The following RABEPK variants were observed in gnomAD, a reference collection of about 807,000 sequenced individuals.
The protein encoded by RABEPK is 40 kDa Rab9 effector protein.
Under a neutral mutation model 34.1 loss-of-function variants are expected in RABEPK, and 27 were observed. The ratio of observed to expected loss-of-function variants is 0.79; its 90% confidence interval spans 0.58 to 1.09. RABEPK has a LOEUF of 1.09. RABEPK is among the 50% of genes least tolerant of loss of function. The pLI is 0.00. For missense variants in RABEPK, 449 were observed against 462.6 expected (o/e 0.97, Z 0.27); for synonymous variants, 172 against 169.2 (o/e 1.02, Z -0.13).
At chr9:125,202,074 T>C (rs925737785) in intron 1 of RABEPK, among the ~76,000 whole-genome samples, 11 of 148,708 alleles carry the variant, frequency 7.4e-5, no homozygotes, top group African/African-American at 2.7e-4. Context: ...ATTAGCCAGG[T>C]GTGGTGGCAC....
At chr9:125,216,409 A>G (rs1467077549) in intron 4 of RABEPK, among the ~76,000 whole-genome samples, 2 of 151,954 alleles carry the variant, frequency 1.3e-5, no homozygotes, top group Non-Finnish European at 2.9e-5. Flanking sequence ...CCGATAAAAA[A>G]ATTAAAATTA....
chr9:125,212,510 C>T (rs889405571), intron 3 of RABEPK, among the ~76,000 whole-genome samples: 2 of 151,992 alleles, frequency 1.3e-5, no homozygotes, highest in Non-Finnish European at 2.9e-5. Flanking sequence ...TGAGCCACAG[C>T]GCCTGACCAA....
intron 2 of RABEPK, among the ~76,000 whole-genome samples, chr9:125,204,935 T>C (rs7856435): frequency 0.023 from 3,539 of 152,226 alleles, 145 homozygotes; most frequent in African/African-American, 0.082. Flanking sequence ...TCAAGTAACC[T>C]TCCCATCTCC....
At chr9:125,228,517 T>C (rs1283924712) in intron 6 of RABEPK, among the ~76,000 whole-genome samples, 1 of 148,276 alleles carries the variant, frequency 6.7e-6, no homozygotes, top group Non-Finnish European at 1.5e-5. Context: ...ATTAGCCTAT[T>C]GTCATGGCAC....
chr9:125,229,147 G>A (rs10123483), intron 6 of RABEPK, among the ~76,000 whole-genome samples: 1 of 151,972 alleles, frequency 6.6e-6, no homozygotes, highest in Non-Finnish European at 1.5e-5. Context: ...CCAGCTACTC[G>A]GGAGGCTGAG....
chr9:125,232,833 T>G, intron 7 of RABEPK, 88 bp downstream of exon 7: 3 of 1,371,046 alleles, frequency 2.2e-6, no homozygotes, highest in East Asian at 2.5e-5. Flanking sequence ...ATCCCAGCAC[T>G]TTGGGAGGCC....
At chr9:125,205,940 A>T (rs1830199170) in intron 2 of RABEPK, among the ~76,000 whole-genome samples, 1 of 116,396 alleles carries the variant, frequency 8.6e-6, no homozygotes, top group Admixed American at 8.0e-5. Flanking sequence ...AAGTGAGGAA[A>T]AGAGAATTGA....
In RABEPK at chr9:125,232,590, T is replaced by C; in HGVS notation, c.677-6T>C. The stretch of plus-strand genomic sequence containing the variant: ...CTGCGCCAAAGCTCTTTCTTTCTCT[T>C]GGCAGGTGACATGAAATGGCAGAAG... On this transcript the variant is annotated splice_region_variant and splice_polypyrimidine_tract_variant and intron_variant, in intron 6 of 7. Coordinates refer to ENST00000373538, the MANE Select transcript of RABEPK (RefSeq NM_005833.4). 3.1e-6 allele frequency: 5 copies of C among 1,610,564 alleles called. No homozygotes were observed. Among genetic ancestry groups the C allele is most frequent in the Non-Finnish European group, 4.2e-6 (5 of 1,178,130 alleles).
rs116718944 is a variant in RABEPK, at chr9:125,214,359, C to G, written c.364+837C>G. Among the ~76,000 whole-genome samples, 453 of 152,178 alleles carry G rather than the reference C, an allele frequency of 3.0e-3. 7 individuals are homozygous for G. Among genetic ancestry groups the G allele is most frequent in the African/African-American group, 0.011 (447 of 41,520 alleles). On this transcript the variant is annotated intron_variant, in intron 4 of 7. Transcript: ENST00000373538. Reference sequence around the variant, plus strand: ...CAGATATGCTGTATATATATCCTGTCGTGCCTAAGACAGCCATCACAGGGA... The same window carrying G: ...CAGATATGCTGTATATATATCCTGTGGTGCCTAAGACAGCCATCACAGGGA...
At chr9:125,231,664 C>T (rs1348413361) in intron 6 of RABEPK, among the ~76,000 whole-genome samples, 4 of 151,438 alleles carry the variant, frequency 2.6e-5, no homozygotes, top group Non-Finnish European at 5.9e-5. Flanking sequence ...TAGCCAGACC[C>T]GGTGGCAGGT....
chr9:125,214,210 C>G lies in RABEPK; in HGVS notation c.364+688C>G, dbSNP rs1198310420. ...GAGCCAGGCTTAGAACCCAAGTCAC[C>G]TAGATTAGTAGTCCTCCAGTAAAGG... On this transcript the variant is annotated intron_variant, in intron 4 of 7. Transcript: ENST00000373538. Among the ~76,000 whole-genome samples, 4 of 152,168 alleles carry G rather than the reference C, an allele frequency of 2.6e-5. No individual in the cohort carries two copies. In the East Asian group the frequency reaches 7.7e-4, roughly 29 times the overall value.
At chr9:125,212,107 G>A (rs958899457) in intron 3 of RABEPK, among the ~76,000 whole-genome samples, 1 of 152,186 alleles carries the variant, frequency 6.6e-6, no homozygotes, top group Non-Finnish European at 1.5e-5. Context: ...CTGGACCTCA[G>A]TGCTCTATAA....
At chr9:125,203,171 C>T (rs921248247) in intron 2 of RABEPK, 105 bp downstream of exon 2, 1 of 938,616 alleles carries the variant, frequency 1.1e-6, no homozygotes, top group African/African-American at 1.6e-5. Flanking sequence ...AGAGATGAAA[C>T]TGTCTGCAGT....
Position 125,233,811 on chromosome 9 carries a change from T to C in RABEPK, c.950T>C (p.Leu317Pro). 1 of 1,614,110 alleles carries C rather than the reference T, an allele frequency of 6.2e-7. No homozygotes were observed. Among genetic ancestry groups the C allele is most frequent in the Non-Finnish European group, 8.5e-7 (1 of 1,180,018 alleles). The change falls in exon 8 of 8, where the codon CTC becomes CCC. Residue 317 changes from leucine (L) to proline (P), a missense_variant. Leu to Pro is a moderately conservative substitution (Grantham distance 98). Coordinates refer to ENST00000373538, the MANE Select transcript of RABEPK (RefSeq NM_005833.4). ...CASEKEDSNS[L>P]TLNHEAEKED... ...TCTGAGAAAGAAGATTCCAACTCTC[T>C]CACTCTGAACCATGAAGCTGAGAAA...
intron 4 of RABEPK, 29 bp downstream of exon 4, chr9:125,213,551 G>T (rs62580619): frequency 6.3e-7 from 1 of 1,589,724 alleles, no homozygotes; most frequent in Non-Finnish European, 8.6e-7. Flanking sequence ...TTTTATTTAC[G>T]TACATACAAA....
At chr9:125,230,038 C>T (rs1832058880) in intron 6 of RABEPK, among the ~76,000 whole-genome samples, 1 of 152,164 alleles carries the variant, frequency 6.6e-6, no homozygotes, top group South Asian at 2.1e-4. Context: ...GATCTTAGCT[C>T]ATGGCAGCCT....
In RABEPK at chr9:125,228,032, T is replaced by G. The variant is rs760472434; in HGVS notation, c.649T>G (p.Tyr217Asp). 1.2e-6 allele frequency: 2 copies of G among 1,602,362 alleles called. No individual in the cohort carries two copies. Among genetic ancestry groups the G allele is most frequent in the Non-Finnish European group, 1.7e-6 (2 of 1,173,006 alleles). The change falls in exon 6 of 8, where the codon TAT becomes GAT. Residue 217 changes from tyrosine (Y) to aspartate (D), a missense_variant. Physicochemically the swap from Tyr to Asp is radical, Grantham distance 160. Coordinates refer to ENST00000373538, the MANE Select transcript of RABEPK (RefSeq NM_005833.4). ...CGGAGGCTTGGCGGGGGACAGATTCTATGATGACCTCCACTGCATTGATAT... is the reference window on the plus strand; with the variant it reads ...CGGAGGCTTGGCGGGGGACAGATTCGATGATGACCTCCACTGCATTGATAT... ...IHGGLAGDRFYDDLHCIDISD... is the reference protein window; with the variant it reads ...IHGGLAGDRFDDDLHCIDISD...
Position 125,228,210 on chromosome 9 carries a change from C to G in RABEPK, c.676+151C>G, listed in dbSNP as rs909152379. 3 of 592,554 alleles carry G rather than the reference C, an allele frequency of 5.1e-6. No homozygotes were observed. In the African/African-American group the frequency reaches 5.8e-5, roughly 11 times the overall value. 36.7% of individuals were successfully genotyped at this position (592,554 alleles called of 1,614,324 possible). Reference sequence around the variant, plus strand: ...TCCAGGACTCAAGTAATCCTCCTACCTCATCCTCCGCAGTAGCTGGAGCTA... The same window carrying G: ...TCCAGGACTCAAGTAATCCTCCTACGTCATCCTCCGCAGTAGCTGGAGCTA... On this transcript the variant is annotated intron_variant, in intron 6 of 7. Transcript: ENST00000373538.
intron 6 of RABEPK, among the ~76,000 whole-genome samples, chr9:125,231,894 A>ATTT (rs555538576): frequency 5.5e-4 from 62 of 112,626 alleles, no homozygotes; most frequent in Non-Finnish European, 8.4e-4. Flanking sequence ...AAGGAACTGT[A>ATTT]TTTTTTTTTT....
Sources: allele counts gnomAD v4.1 joint callset (sites outside exome capture counted in the v4.1 genomes callset), GRCh38; gene constraint gnomAD v4.1.1; transcripts MANE v1.5; gene names NCBI Gene and HGNC (gene_info 2026-07-23, HGNC 2026-07-21).